MB: variants seen among roughly 807,000 people sequenced by gnomAD.
MB encodes the protein myoglobin.
In MB, 10 loss-of-function variants were observed where a neutral mutation model predicts 14.5. That is an observed-to-expected ratio of 0.69 (90% CI 0.43 to 1.17). The LOEUF is 1.17. Among genes scored for constraint, MB ranks in the 50% most tolerant of loss-of-function variants. The pLI is 0.00. For synonymous variants in MB, 89 were observed against 78.6 expected (o/e 1.13, Z -0.70); for missense variants, 169 against 192.7 (o/e 0.88, Z 0.73).
At chr22:35,612,312 C>T (rs1225728835) in intron 1 of MB, among the ~76,000 whole-genome samples, 6 of 152,170 alleles carry the variant, frequency 3.9e-5, no homozygotes, top group East Asian at 1.9e-4. Context: ...ACCTGATCCC[C>T]GTAGTCTCCA....
chr22:35,619,798 G>C (rs775350897), upstream of MB, among the ~76,000 whole-genome samples: 35 of 152,288 alleles, frequency 2.3e-4, no homozygotes, highest in Non-Finnish European at 4.6e-4. Context: ...AGCCTGGCTG[G>C]TGACCATTCT....
chr22:35,618,599 T>G (rs142312496), upstream of MB, among the ~76,000 whole-genome samples: 1 of 151,904 alleles, frequency 6.6e-6, no homozygotes, highest in East Asian at 1.9e-4. Context: ...CACCCATCCA[T>G]CCAACATCTA....
At chr22:35,614,496 A>T (rs148403451) in intron 1 of MB, among the ~76,000 whole-genome samples, 1 of 151,846 alleles carries the variant, frequency 6.6e-6, no homozygotes, top group Admixed American at 6.6e-5. Context: ...CTCAAAAAAA[A>T]AAAAAAGGAG....
At chr22:35,607,676 A>T (rs1055692120) in intron 2 of MB, among the ~76,000 whole-genome samples, 5 of 152,154 alleles carry the variant, frequency 3.3e-5, no homozygotes, top group Admixed American at 3.3e-4. Flanking sequence ...AACTGAGGCG[A>T]GGGGAGGTTG....
At chr22:35,616,986 C>T in intron 1 of MB, 177 bp downstream of exon 1, 1 of 579,316 alleles carries the variant, frequency 1.7e-6, no homozygotes, top group South Asian at 2.2e-5. Flanking sequence ...GGCTCCTTTC[C>T]CTCTCCTGAG....
intron 1 of MB, among the ~76,000 whole-genome samples, chr22:35,611,373 T>TA (rs1922616174): frequency 6.6e-6 from 1 of 152,164 alleles, no homozygotes; most frequent in Non-Finnish European, 1.5e-5. Flanking sequence ...TTTACAGATG[T>TA]GGAAACCGAG....
Position 35,608,749 on chromosome 22 carries a change from G to C in MB, c.319-1306C>G, listed in dbSNP as rs200447938. ...GTGACTTCACCCACCCAGATGGCCTGGTTGGGCCCCCAGCTCAGACTTTCT... is the reference window on the plus strand; with the variant it reads ...GTGACTTCACCCACCCAGATGGCCTCGTTGGGCCCCCAGCTCAGACTTTCT... On this transcript the variant is annotated intron_variant, in intron 2 of 2. Transcript: ENST00000397326. This position sits in a 1 kb window ranked among gnomAD's most constrained non-coding sequence, Gnocchi z 4.3. 5.3e-5 allele frequency among the ~76,000 whole-genome samples: 8 copies of C among 152,338 alleles called. No individual in the cohort carries two copies. In the East Asian group the frequency reaches 1.5e-3, roughly 29 times the overall value.
intron 1 of MB, among the ~76,000 whole-genome samples, chr22:35,612,041 GCAGAGCCCAGACCTAAACC>G (rs1922673844): frequency 1.3e-5 from 2 of 152,222 alleles, no homozygotes; most frequent in African/African-American, 4.8e-5. Context: ...CTAGCTAGCG[GCAGAGCCCAGACCTAAACC>G]CAAAATGGAA....
intron 1 of MB, 39 bp downstream of exon 1, chr22:35,617,124 G>A (rs1443782446): frequency 1.3e-6 from 2 of 1,502,554 alleles, no homozygotes; most frequent in Admixed American, 1.7e-5. Context: ...TTGATCTTAG[G>A]GTGTGGGTGG....
chr22:35,607,942 A>G (rs1436344152), intron 2 of MB, among the ~76,000 whole-genome samples: 1 of 152,138 alleles, frequency 6.6e-6, no homozygotes, highest in Non-Finnish European at 1.5e-5. Context: ...ATGACTTGGT[A>G]TGGTTATTGT....
At chr22:35,618,323 CT>C (rs894840137), upstream of MB, among the ~76,000 whole-genome samples, 69 of 152,288 alleles carry the variant, frequency 4.5e-4, no homozygotes, top group Admixed American at 7.8e-4. Flanking sequence ...TCTCTTGGGC[CT>C]CACATGGTGC....
At chr22:35,609,947 G>A (rs1357667643) in intron 2 of MB, among the ~76,000 whole-genome samples, 1 of 152,148 alleles carries the variant, frequency 6.6e-6, no homozygotes, top group Non-Finnish European at 1.5e-5. Flanking sequence ...CTTCCAGTTG[G>A]GAATATAGAA....
chr22:35,615,473 C>T (rs1286730728), intron 1 of MB: 1 of 152,294 alleles, frequency 6.6e-6, no homozygotes, highest in Non-Finnish European at 1.5e-5. Flanking sequence ...GATGATGCAA[C>T]ACCCTGAGTC....
intron 1 of MB, chr22:35,622,399 C>T (rs1010188210): frequency 2.0e-5 from 3 of 152,786 alleles, no homozygotes; most frequent in Non-Finnish European, 2.9e-5. Flanking sequence ...CAGCAGAACC[C>T]CCAAGCTTGC....
At chr22:35,610,794 T>C (rs1922549407) in intron 2 of MB, 90 bp downstream of exon 2, 1 of 989,900 alleles carries the variant, frequency 1.0e-6, no homozygotes, top group South Asian at 1.5e-5. Flanking sequence ...TCCCACAAGT[T>C]AGTGGCTGAG....
upstream of MB, chr22:35,617,469 T>G: frequency 1.7e-6 from 1 of 572,030 alleles, no homozygotes; most frequent in Non-Finnish European, 3.1e-6. Flanking sequence ...TTCCTTTCTC[T>G]AGCCCTCACA....
At chr22:35,619,915 C>T (rs990662947), upstream of MB, among the ~76,000 whole-genome samples, 1 of 152,182 alleles carries the variant, frequency 6.6e-6, no homozygotes, top group Non-Finnish European at 1.5e-5. Context: ...TCAGAGGCAC[C>T]GGCTGCACCT....
Position 35,607,004 on chromosome 22 carries a change from A to C in MB, c.*293T>G. The C allele has an allele frequency of 3.4e-6, 1 of 290,216 alleles. No homozygotes were observed. Among genetic ancestry groups the C allele is most frequent in the Non-Finnish European group, 6.4e-6 (1 of 155,652 alleles). The allele number at this position is 290,216 out of a possible 1,614,324, so 18.0% of individuals were successfully genotyped here. On this transcript the variant is annotated 3_prime_UTR_variant, in exon 3 of 3. Transcript: ENST00000397326. ...TACAGCCAGTTTGGAGGTTGGAAGA[A>C]GTTCGGTTGGGATTTAGAAGAAAGG...
At chr22:35,613,732 C>G (rs1922832130) in intron 1 of MB, among the ~76,000 whole-genome samples, 1 of 152,166 alleles carries the variant, frequency 6.6e-6, no homozygotes, top group African/African-American at 2.4e-5. Flanking sequence ...CTCCTGGACT[C>G]AAGCGATTCC....
Sources: allele counts gnomAD v4.1 joint callset (sites outside exome capture counted in the v4.1 genomes callset), GRCh38; gene constraint gnomAD v4.1.1; non-coding constraint Gnocchi (gnomAD v3.1); transcripts MANE v1.5; gene names NCBI Gene and HGNC (gene_info 2026-07-23, HGNC 2026-07-21).